The following RNF152 variants were observed in gnomAD, a reference collection of about 807,000 sequenced individuals.
RNF152 encodes ring finger protein 152.
Under a neutral mutation model 12.7 loss-of-function variants are expected in RNF152, and 11 were observed. That is an observed-to-expected ratio of 0.86 (90% CI 0.54 to 1.43). RNF152 has a LOEUF of 1.43. Ranked by LOEUF, RNF152 falls within the 40% of genes most tolerant of loss-of-function variation. RNF152 has a pLI of 0.00. For synonymous variants in RNF152, 113 were observed against 120.3 expected (o/e 0.94, Z 0.40); for missense variants, 255 against 274.8 (o/e 0.93, Z 0.51).
At chr18:61,847,707 C>G (rs990886859) in intron 1 of RNF152, among the ~76,000 whole-genome samples, 9 of 152,174 alleles carry the variant, frequency 5.9e-5, no homozygotes, top group Non-Finnish European at 1.2e-4. Context: ...ATAGGCGTCT[C>G]AAAGCTAAGA....
intron 1 of RNF152, among the ~76,000 whole-genome samples, chr18:61,857,784 A>T (rs1318480447): frequency 6.6e-6 from 1 of 152,206 alleles, no homozygotes; most frequent in Non-Finnish European, 1.5e-5. Flanking sequence ...AACATCTTTC[A>T]GCCTCAGTCC....
At chr18:61,878,676 T>C (rs1376239783) in intron 1 of RNF152, among the ~76,000 whole-genome samples, 1 of 152,202 alleles carries the variant, frequency 6.6e-6, no homozygotes, top group East Asian at 1.9e-4. Context: ...GGATTCAGTG[T>C]CTAGTGAGAG....
chr18:61,870,091 G>A (rs59051201), intron 1 of RNF152, among the ~76,000 whole-genome samples: 4,920 of 152,164 alleles, frequency 0.032, 271 homozygotes, highest in African/African-American at 0.11. Context: ...CAAACCTCAC[G>A]CTCTCTTGGA....
chr18:61,819,965 G>A (rs573544140), intron 1 of RNF152, among the ~76,000 whole-genome samples: 17 of 147,518 alleles, frequency 1.2e-4, no homozygotes, highest in Admixed American at 4.1e-4. Flanking sequence ...AGATTGCAGT[G>A]AGGCAACATC....
At chr18:61,891,203 G>T (rs1912943633) in intron 1 of RNF152, among the ~76,000 whole-genome samples, 1 of 152,140 alleles carries the variant, frequency 6.6e-6, no homozygotes, top group African/African-American at 2.4e-5. Context: ...AGCCTCTAGG[G>T]ATCCTCCAGC....
chr18:61,838,956 C>T (rs1910315115), intron 1 of RNF152, among the ~76,000 whole-genome samples: 1 of 151,876 alleles, frequency 6.6e-6, no homozygotes, highest in Non-Finnish European at 1.5e-5. Context: ...TGCCCATTCA[C>T]TCTCACCTTC....
intron 1 of RNF152, among the ~76,000 whole-genome samples, chr18:61,858,944 T>C (rs1294096768): frequency 6.6e-6 from 1 of 152,192 alleles, no homozygotes; most frequent in Admixed American, 6.5e-5. Context: ...GTTCTTACTG[T>C]ATAAATCATA....
At chr18:61,894,257 G>C (rs1913116969), upstream of RNF152, 2 of 149,980 alleles carry the variant, frequency 1.3e-5, no homozygotes, top group Non-Finnish European at 3.0e-5. This position sits in a 1 kb window ranked among gnomAD's most constrained non-coding sequence, Gnocchi z 4.9. Flanking sequence ...CTCGCGCCCC[G>C]GGCCGGCGGC....
In RNF152 at chr18:61,820,331, C is replaced by CAAAAAAAAAA. The variant is rs1344591753; in HGVS notation, c.-135-3743_-135-3734dup. Among the ~76,000 whole-genome samples the CAAAAAAAAAA allele has an allele frequency of 5.5e-4, 22 of 39,978 alleles. 9 individuals carry two copies. Among genetic ancestry groups the CAAAAAAAAAA allele is most frequent in the African/African-American group, 1.8e-3 (12 of 6,838 alleles). 26.2% of individuals were successfully genotyped at this position (39,978 alleles called of 152,430 possible). On this transcript the variant is annotated intron_variant, in intron 1 of 1. Transcript: ENST00000312828. ...GTGACAGAGAGAGACTCCGTCTCACCAAAAAAAAAAAAAAAAAAAAAAAAA... is the reference window on the plus strand; with the variant it reads ...GTGACAGAGAGAGACTCCGTCTCACCAAAAAAAAAAAAAAAAAAAAAAAAAAAAAAAAAAA...
intron 1 of RNF152, among the ~76,000 whole-genome samples, chr18:61,820,070 C>G (rs962741716): frequency 4.0e-5 from 6 of 149,184 alleles, no homozygotes; most frequent in African/African-American, 1.5e-4. Context: ...TGGCTCACGC[C>G]TGTAATCCTA....
chr18:61,880,111 C>A (rs944288499), intron 1 of RNF152, among the ~76,000 whole-genome samples: 2 of 152,050 alleles, frequency 1.3e-5, no homozygotes, highest in Admixed American at 6.5e-5. Flanking sequence ...CAATTCACAC[C>A]ACCTGACTTC....
intron 1 of RNF152, among the ~76,000 whole-genome samples, chr18:61,830,278 G>A (rs55923228): frequency 0.27 from 40,798 of 151,818 alleles, 6,239 homozygotes; most frequent in Non-Finnish European, 0.35. Flanking sequence ...CACCCACCTC[G>A]TCCTCCCAAA....
At chr18:61,844,484 G>C (rs1023119842) in intron 1 of RNF152, among the ~76,000 whole-genome samples, 1 of 152,142 alleles carries the variant, frequency 6.6e-6, no homozygotes, top group Admixed American at 6.5e-5. Flanking sequence ...CCATTATGTC[G>C]ATCTGGTGGA....
intron 1 of RNF152, among the ~76,000 whole-genome samples, chr18:61,850,599 C>T (rs986170912): frequency 1.3e-5 from 2 of 152,100 alleles, no homozygotes; most frequent in African/African-American, 4.8e-5. Context: ...TTGATTAGAG[C>T]ACAATAAATA....
rs1044301646 is a variant in RNF152 at position 61,816,087 on chromosome 18, T to C, written c.377A>G (p.Gln126Arg). 2 of 1,614,098 alleles carry C rather than the reference T, an allele frequency of 1.2e-6. No homozygotes were observed. The highest frequency in any genetic ancestry group is 1.7e-5 in the Admixed American group (1 of 60,014). The change falls in exon 2 of 2, where the codon CAG becomes CGG. Residue 126 changes from glutamine (Q) to arginine (R), a missense_variant. Gln to Arg is a conservative substitution (Grantham distance 43, BLOSUM62 1). Transcript: ENST00000312828. ...DMGCRLLPGSQQKSVTVVTIP... is the reference protein window; with the variant it reads ...DMGCRLLPGSRQKSVTVVTIP... ...GGTCACCACGGTGACGGACTTCTGCTGGCTCCCGGGCAGCAGGCGGCAGCC... is the reference window on the plus strand; with the variant it reads ...GGTCACCACGGTGACGGACTTCTGCCGGCTCCCGGGCAGCAGGCGGCAGCC...
chr18:61,877,044 G>A (rs1261399904), intron 1 of RNF152, among the ~76,000 whole-genome samples: 2 of 152,174 alleles, frequency 1.3e-5, no homozygotes, highest in African/African-American at 4.8e-5. Context: ...TTGTACAAAG[G>A]ATTGAATCCT....
chr18:61,846,744 T>C (rs112470390), intron 1 of RNF152, among the ~76,000 whole-genome samples: 1,562 of 152,186 alleles, frequency 0.01, 25 homozygotes, highest in African/African-American at 0.036. Context: ...GCACCAGACA[T>C]AGAATTATTA....
chr18:61,827,722 C>T (rs1312819629), intron 1 of RNF152, among the ~76,000 whole-genome samples: 1 of 152,176 alleles, frequency 6.6e-6, no homozygotes, highest in Non-Finnish European at 1.5e-5. Flanking sequence ...CGAGTTAAGC[C>T]TTACACTGAA....
intron 1 of RNF152, among the ~76,000 whole-genome samples, chr18:61,839,843 C>T (rs1305393744): frequency 6.6e-6 from 1 of 152,150 alleles, no homozygotes; most frequent in Non-Finnish European, 1.5e-5. Flanking sequence ...TGCAGTGGGC[C>T]GAGATCGTGC....
Sources: allele counts gnomAD v4.1 joint callset (sites outside exome capture counted in the v4.1 genomes callset), GRCh38; gene constraint gnomAD v4.1.1; non-coding constraint Gnocchi (gnomAD v3.1); transcripts MANE v1.5; gene names NCBI Gene and HGNC (gene_info 2026-07-23, HGNC 2026-07-21).